The following TTLL7 variants were observed in gnomAD, a reference collection of about 807,000 sequenced individuals.
TTLL7 encodes tubulin tyrosine ligase like 7, also known as tubulin polyglutamylase TTLL7.
A neutral mutation model predicts 120.2 loss-of-function variants in TTLL7; 53 were observed. The observed-to-expected ratio is 0.44, with a 90% CI of 0.35 to 0.55. The LOEUF (loss-of-function observed/expected upper bound fraction) is 0.55. TTLL7 is among the 20% of genes least tolerant of loss of function. The probability of loss-of-function intolerance (pLI) is 0.00; values close to 1 mark genes in which losing one functional copy is unlikely to be tolerated. For synonymous variants in TTLL7, 353 were observed against 351.7 expected (o/e 1.00, Z -0.04); for missense variants, 803 against 1,054.7 (o/e 0.76, Z 3.31).
chr1:83,931,589 T>C (rs1183488669), intron 9 of TTLL7, among the ~76,000 whole-genome samples: 1 of 152,160 alleles, frequency 6.6e-6, no homozygotes, highest in Non-Finnish European at 1.5e-5. Context: ...ATCTGAATAA[T>C]GGCTACACCA....
chr1:83,878,279 T>A (rs1328518462), intron 20 of TTLL7, among the ~76,000 whole-genome samples: 1 of 151,964 alleles, frequency 6.6e-6, no homozygotes, highest in Non-Finnish European at 1.5e-5. Context: ...CTAAAGTTAA[T>A]ACATTTACTT....
intron 14 of TTLL7, chr1:83,912,542 A>G (rs1657769406): frequency 6.6e-6 from 1 of 152,172 alleles, no homozygotes; most frequent in Non-Finnish European, 1.5e-5. Context: ...GTTAGCATAC[A>G]CTATAATGAA....
intron 9 of TTLL7, 139 bp downstream of exon 9, chr1:83,933,469 C>A (rs55996508): frequency 2.3e-6 from 2 of 855,544 alleles, no homozygotes; most frequent in Non-Finnish European, 3.6e-6. Flanking sequence ...AATTTTTATC[C>A]TCTTCTTCCC....
At chr1:83,891,550 C>A (rs1270215491) in intron 18 of TTLL7, among the ~76,000 whole-genome samples, 1 of 151,974 alleles carries the variant, frequency 6.6e-6, no homozygotes, top group Non-Finnish European at 1.5e-5. Flanking sequence ...TCACTATGGC[C>A]CAGCAGTTTC....
In TTLL7 at chr1:83,949,984, G is replaced by A. The variant is rs267598737; in HGVS notation, c.160C>T (p.Arg54Cys). 3 of 1,608,962 alleles carry A rather than the reference G, an allele frequency of 1.9e-6. No individual in the cohort carries two copies. The highest frequency in any genetic ancestry group is 1.7e-5 in the Admixed American group (1 of 59,444). Reference protein sequence around the residue: ...NVAGTKFEIVRLVIDEMGFMK... With the variant: ...NVAGTKFEIVCLVIDEMGFMK... ...AATCCCATTTCATCTATTACTAAAC[G>A]AACTGCAAGTAAACAGTTAAGTTAA... Residue 54 changes from arginine to cysteine, a missense_variant and splice_region_variant, in exon 4 of 21, where the codon CGT becomes TGT. Arg to Cys is a radical substitution (Grantham distance 180, BLOSUM62 -3). This residue lies in a region of TTLL7 where 91 missense variants were observed against 96.6 expected (regional missense o/e 0.94). Transcript: ENST00000260505.
chr1:83,881,418 G>A (rs1010743024), intron 20 of TTLL7, among the ~76,000 whole-genome samples: 4 of 150,872 alleles, frequency 2.7e-5, no homozygotes, highest in African/African-American at 9.7e-5. Context: ...CCATCAAAAA[G>A]TGGGCAAAGG....
At chr1:83,887,325 A>G in intron 19 of TTLL7, 1 of 823,886 alleles carries the variant, frequency 1.2e-6, no homozygotes, top group Non-Finnish European at 1.7e-6. Context: ...ATCATTCCTT[A>G]AAAACTGAGA....
chr1:83,939,299 T>C (rs981725828), intron 7 of TTLL7, among the ~76,000 whole-genome samples: 1 of 152,210 alleles, frequency 6.6e-6, no homozygotes, highest in Non-Finnish European at 1.5e-5. Flanking sequence ...AATACAAATT[T>C]TCTTTAACTT....
At chr1:83,886,640 G>C (rs1020452463) in intron 19 of TTLL7, among the ~76,000 whole-genome samples, 4 of 151,882 alleles carry the variant, frequency 2.6e-5, no homozygotes, top group African/African-American at 9.7e-5. Context: ...AACCCCAACA[G>C]GAAAATACTT....
In TTLL7 at chr1:83,890,314, A is replaced by C; in HGVS notation, c.2369+7T>G. On this transcript the variant is annotated splice_region_variant and intron_variant, in intron 19 of 20. Coordinates refer to ENST00000260505, the MANE Select transcript of TTLL7 (RefSeq NM_024686.6). Reference sequence around the variant, plus strand: ...ATGACGATAATAAAAGATGACTTAGAGCTTACCCTGAATCACAGAAACAGT... The same window carrying C: ...ATGACGATAATAAAAGATGACTTAGCGCTTACCCTGAATCACAGAAACAGT... 6.2e-7 allele frequency: 1 copy of C among 1,606,528 alleles called. No homozygotes were observed.
rs114896301 is a variant in TTLL7 at position 83,950,770 on chromosome 1, T to C, written c.158-784A>G. On this transcript the variant is annotated intron_variant, in intron 3 of 20. Coordinates refer to ENST00000260505, the MANE Select transcript of TTLL7 (RefSeq NM_024686.6). ...AGGTGACAGTGTACAATCCCAAGAG[T>C]TGGGGAAAGGAATATTCCTCTCTCA... 4.5e-3 allele frequency among the ~76,000 whole-genome samples: 690 copies of C among 151,966 alleles called. 10 individuals carry two copies. The highest frequency in any genetic ancestry group is 0.016 in the African/African-American group (659 of 41,432).
chr1:83,910,548 G>T (rs963688538), intron 15 of TTLL7, among the ~76,000 whole-genome samples: 2 of 151,842 alleles, frequency 1.3e-5, no homozygotes, highest in Non-Finnish European at 2.9e-5. Flanking sequence ...GAGAGAGAAT[G>T]TAAAAAGAAA....
intron 1 of TTLL7, among the ~76,000 whole-genome samples, chr1:83,954,864 C>G (rs201322885): frequency 5.3e-5 from 5 of 94,546 alleles, no homozygotes; most frequent in African/African-American, 1.5e-4. Flanking sequence ...CTATCTAGTT[C>G]AAAAAAAAAA....
chr1:83,907,356 G>A (rs1264959944), intron 16 of TTLL7, 100 bp downstream of exon 16: 23 of 1,038,916 alleles, frequency 2.2e-5, no homozygotes, highest in Middle Eastern at 6.2e-4. Context: ...GTTGAATTAT[G>A]GAAAGGATCT....
At chr1:83,973,666 T>A (rs546517806) in intron 1 of TTLL7, among the ~76,000 whole-genome samples, 5 of 152,192 alleles carry the variant, frequency 3.3e-5, no homozygotes, top group African/African-American at 1.2e-4. Flanking sequence ...ATAATGGAGA[T>A]CTTGACAATG....
At chr1:83,892,657 A>AACATATATATGAACATATAT (rs1392455695) in intron 18 of TTLL7, among the ~76,000 whole-genome samples, 2 of 117,504 alleles carry the variant, frequency 1.7e-5, no homozygotes, top group Middle Eastern at 4.3e-3. Flanking sequence ...TGAACATATG[A>AACATATATATGAACATATAT]ATGAACATAT....
intron 1 of TTLL7, among the ~76,000 whole-genome samples, chr1:83,956,558 G>C (rs554494208): frequency 6.6e-6 from 1 of 151,968 alleles, no homozygotes; most frequent in South Asian, 2.1e-4. Context: ...CTCCCAAGTA[G>C]CTGGGATTAC....
At chr1:83,992,312 A>C (rs1653073402) in intron 1 of TTLL7, among the ~76,000 whole-genome samples, 1 of 152,172 alleles carries the variant, frequency 6.6e-6, no homozygotes. Context: ...TTTTCCAAAA[A>C]AATAATGGGT....
chr1:83,946,028 T>G (rs1648460158), intron 6 of TTLL7: 1 of 152,188 alleles, frequency 6.6e-6, no homozygotes, highest in African/African-American at 2.4e-5. Flanking sequence ...AATATCTTTT[T>G]TCCTATAGCA....
Sources: allele counts gnomAD v4.1 joint callset (sites outside exome capture counted in the v4.1 genomes callset), GRCh38; gene constraint gnomAD v4.1.1; regional missense constraint gnomAD v4.1.1; transcripts MANE v1.5; gene names NCBI Gene and HGNC (gene_info 2026-07-23, HGNC 2026-07-21).